MPP1: variants seen among roughly 807,000 people sequenced by gnomAD.
MPP1 encodes MAGUK p55 scaffold protein 1, also known as 55 kDa erythrocyte membrane protein.
A neutral mutation model predicts 38.2 loss-of-function variants in MPP1; 6 were observed. The ratio of observed to expected loss-of-function variants is 0.16; its 90% CI spans 0.09 to 0.31. The LOEUF (loss-of-function observed/expected upper bound fraction) is 0.31, where lower values mean the gene tolerates loss of function less well. Among genes scored for constraint, MPP1 ranks in the 10% least tolerant of loss-of-function variants. MPP1 has a pLI of 1.00. For synonymous variants in MPP1, 153 were observed against 146.3 expected (o/e 1.05, Z -0.33); for missense variants, 293 against 368.9 (o/e 0.79, Z 1.69).
intron 1 of MPP1, among the ~76,000 whole-genome samples, chrX:154,796,379 C>T (rs782109730): frequency 5.4e-5 from 6 of 111,470 alleles, no homozygotes; most frequent in South Asian, 3.7e-4. Flanking sequence ...GATCCACCTG[C>T]CTCGGCCTCC....
At chrX:154,804,963 C>A in intron 1 of MPP1, 1 of 395,924 alleles carries the variant, frequency 2.5e-6, no homozygotes, top group Non-Finnish European at 4.6e-6. Flanking sequence ...TAAAGACTTT[C>A]TGTTACTCTG....
At chrX:154,795,562 C>T (rs781923736) in intron 1 of MPP1, among the ~76,000 whole-genome samples, 89 of 110,817 alleles carry the variant, frequency 8.0e-4, no homozygotes, top group Non-Finnish European at 1.1e-3. Flanking sequence ...GTCAGGGGTT[C>T]GAGACCAGCC....
At chrX:154,781,439 A>T in intron 10 of MPP1, 126 bp from the exon 11 acceptor site, 1 of 778,805 alleles carries the variant, frequency 1.3e-6, no homozygotes, top group Non-Finnish European at 1.9e-6. Context: ...TTACCCCAAT[A>T]CAACTTTCCA....
intron 1 of MPP1, among the ~76,000 whole-genome samples, chrX:154,803,809 A>G (rs782392511): frequency 1.8e-5 from 2 of 112,467 alleles, no homozygotes; most frequent in South Asian, 7.3e-4. Flanking sequence ...CATGAATTCT[A>G]CTGTATGCTA....
intron 3 of MPP1, chrX:154,791,282 T>C: frequency 2.5e-6 from 1 of 406,912 alleles, no homozygotes; most frequent in Admixed American, 4.5e-5. Flanking sequence ...ATAAAACACC[T>C]TGTCCTCAAA....
At chrX:154,792,329 A>G (rs2072151999) in intron 1 of MPP1, 44 bp from the exon 2 acceptor site, 1 of 1,176,766 alleles carries the variant, frequency 8.5e-7, no homozygotes, top group East Asian at 3.0e-5. Flanking sequence ...ATCAGGAGCA[A>G]GGCCCACAGC....
intron 1 of MPP1, among the ~76,000 whole-genome samples, chrX:154,795,268 G>T (rs1383511982): frequency 1.8e-5 from 2 of 111,856 alleles, no homozygotes; most frequent in Non-Finnish European, 3.8e-5. Context: ...TGGCATTGCT[G>T]TTATAACAAA....
At chrX:154,790,467 G>T (rs1302753017) in intron 4 of MPP1, among the ~76,000 whole-genome samples, 2 of 106,093 alleles carry the variant, frequency 1.9e-5, no homozygotes, top group East Asian at 5.9e-4. Context: ...GGAGGCGGAG[G>T]TTGCAGTGAG....
rs59779466 is a variant in MPP1 at position 154,787,101 on chromosome X, AACACACACACACACACACAC to A, written c.481-721_481-702del. ...TGAAAATTCTCCTCTCCTGCTCCCA[AACACACACACACACACACAC>A]ACACACACACACACACACACACACA... On this transcript the variant is annotated intron_variant, in intron 5 of 11. Transcript: ENST00000369534. 1.2e-4 allele frequency among the ~76,000 whole-genome samples: 10 copies of A among 82,890 alleles called. No homozygotes were observed. The South Asian group carries it at 2.0e-3, about 17-fold the overall frequency. 72.0% of individuals were successfully genotyped at this position (82,890 alleles called of 115,157 possible).
chrX:154,780,285 T>C (rs1395904267), intron 11 of MPP1, among the ~76,000 whole-genome samples: 1 of 112,211 alleles, frequency 8.9e-6, no homozygotes, highest in Non-Finnish European at 1.9e-5. Context: ...CATGCCAAAT[T>C]GGAAAAAAAT....
rs782710723 is a variant in MPP1, at chrX:154,779,044, G to GAATT, written c.*129_*132dup. 1 of 608,420 alleles carries GAATT rather than the reference G, an allele frequency of 1.6e-6. No homozygotes were observed. Among genetic ancestry groups the GAATT allele is most frequent in the African/African-American group, 2.3e-5 (1 of 43,662 alleles). The allele number at this position is 608,420 out of a possible 1,213,427, so 50.1% of individuals were successfully genotyped here. On this transcript the variant is annotated 3_prime_UTR_variant, in exon 12 of 12. Transcript: ENST00000369534. ...GCAAGAAGACTGAACCTTACTGGCT[G>GAATT]AATTAGGATAGCTGCAGAGAGCTGG...
intron 1 of MPP1, among the ~76,000 whole-genome samples, chrX:154,801,181 A>G (rs1216766087): frequency 8.9e-6 from 1 of 112,430 alleles, no homozygotes; most frequent in Admixed American, 9.4e-5. Flanking sequence ...GTCTCAGGAC[A>G]TTATTGATTG....
chrX:154,794,245 G>A lies in MPP1; in HGVS notation c.103-1960C>T, dbSNP rs144764822. On this transcript the variant is annotated intron_variant, in intron 1 of 11. Transcript: ENST00000369534. ...ACATCAATGGCAATGAATGGCTACT[G>A]CTACACCACTCCATGGTAGATCACC... Among the ~76,000 whole-genome samples, 844 of 111,460 alleles carry A rather than the reference G, an allele frequency of 7.6e-3. 10 individuals carry two copies. The highest frequency in any genetic ancestry group is 0.025 in the African/African-American group (766 of 30,624).
At chrX:154,800,231 G>A (rs1286575585) in intron 1 of MPP1, among the ~76,000 whole-genome samples, 1 of 112,348 alleles carries the variant, frequency 8.9e-6, no homozygotes, top group Admixed American at 9.4e-5. Flanking sequence ...AAAGCCAAGG[G>A]TATTCTGAAG....
At chrX:154,795,893 T>C (rs923740475) in intron 1 of MPP1, among the ~76,000 whole-genome samples, 1 of 112,275 alleles carries the variant, frequency 8.9e-6, no homozygotes, top group African/African-American at 3.2e-5. Context: ...TCACTGTGTA[T>C]CAAGTTATAC....
chrX:154,805,464 A>T lies in MPP1; in HGVS notation c.-91T>A. 8 of 927,438 alleles carry T rather than the reference A, an allele frequency of 8.6e-6. No individual in the cohort carries two copies. The highest frequency in any genetic ancestry group is 1.2e-5 in the Non-Finnish European group (8 of 669,537). The allele number at this position is 927,438 out of a possible 1,213,427, so 76.4% of individuals were successfully genotyped here. The stretch of plus-strand genomic sequence containing the variant: ...TGCGGGGCTGCGGAGAAGGCGGGAG[A>T]CGCGGTGCGGCTGGGCCAGTCACCG... On this transcript the variant is annotated 5_prime_UTR_variant, in exon 1 of 12. Coordinates refer to ENST00000369534, the MANE Select transcript of MPP1 (RefSeq NM_002436.4).
At chrX:154,783,749 A>C (rs1454039322) in intron 8 of MPP1, 5 of 428,277 alleles carry the variant, frequency 1.2e-5, no homozygotes, top group African/African-American at 7.5e-5. Context: ...GGGGGAAGGG[A>C]GATTTACAAA....
At position 154,802,118 on chromosome X, in the gene MPP1, G is replaced by A. The variant is rs374129809; in HGVS notation, c.102+3154C>T. ...GCACTCGGCATGCACCTTGGTGTCCGTGCACAGGCTGTTCCCTCTGCCCAG... is the reference window on the plus strand; with the variant it reads ...GCACTCGGCATGCACCTTGGTGTCCATGCACAGGCTGTTCCCTCTGCCCAG... On this transcript the variant is annotated intron_variant, in intron 1 of 11. Coordinates refer to ENST00000369534, the MANE Select transcript of MPP1 (RefSeq NM_002436.4). Among the ~76,000 whole-genome samples the A allele has an allele frequency of 2.0e-4, 22 of 112,163 alleles. No individual in the cohort carries two copies. The East Asian group carries it at 4.2e-3, about 21-fold the overall frequency.
chrX:154,801,525 G>T (rs1040614959), intron 1 of MPP1, among the ~76,000 whole-genome samples: 6 of 110,046 alleles, frequency 5.5e-5, no homozygotes, highest in Admixed American at 1.9e-4. Flanking sequence ...TTGGGAGGCC[G>T]AGGCAGGCGG....
Sources: gnomAD v4.1 joint callset for allele counts (sites outside exome capture counted in the v4.1 genomes callset) on GRCh38, gnomAD v4.1.1 for gene constraint, MANE v1.5 for transcripts, NCBI Gene and HGNC (gene_info 2026-07-23, HGNC 2026-07-21) for gene names.